SMAD3: variants seen among roughly 807,000 people sequenced by gnomAD.
SMAD3 encodes the protein MAD homolog 3.
In SMAD3, 12 loss-of-function variants were observed where a neutral mutation model predicts 51.8. The observed-to-expected ratio is 0.23, with a 90% CI of 0.15 to 0.38. The LOEUF (loss-of-function observed/expected upper bound fraction) is 0.38, where lower values mean the gene tolerates loss of function less well. Ranked by LOEUF, SMAD3 falls within the 10% of genes least tolerant of loss-of-function variation. The pLI, the probability that SMAD3 is intolerant of heterozygous loss-of-function variation, is 1.00. For missense variants in SMAD3, 294 were observed against 565.6 expected, an observed-to-expected ratio of 0.52 and a Z score of 4.87; for synonymous variants, 238 against 227.7, an observed-to-expected ratio of 1.05 and a Z score of -0.41.
chr15:67,141,433 G>C, intron 1 of SMAD3, among the ~76,000 whole-genome samples: 1 of 152,106 alleles, frequency 6.6e-6, no homozygotes, highest in East Asian at 1.9e-4. Context: ...GGAATGTTGG[G>C]GAAAGACCTG....
At chr15:67,183,023 ATATATATATTTT>A (rs1252645190) in intron 6 of SMAD3, among the ~76,000 whole-genome samples, 5 of 72,962 alleles carry the variant, frequency 6.9e-5, no homozygotes, top group East Asian at 4.1e-4. Flanking sequence ...ATATATATAT[ATATATATATTTT>A]TTTTTTTTTT....
intron 1 of SMAD3, among the ~76,000 whole-genome samples, chr15:67,073,894 A>G (rs1442880369): frequency 6.6e-6 from 1 of 152,200 alleles, no homozygotes; most frequent in African/African-American, 2.4e-5. Context: ...GCTGGTCTCC[A>G]ACTCCTGGCC....
intron 1 of SMAD3, among the ~76,000 whole-genome samples, chr15:67,147,491 G>T (rs975906682): frequency 6.6e-6 from 1 of 152,132 alleles, no homozygotes; most frequent in African/African-American, 2.4e-5. Flanking sequence ...AAGGATCCCT[G>T]GGTAAATGCC....
At position 67,192,673 on chromosome 15, in the gene SMAD3, C is replaced by T. The variant is rs996248664; in HGVS notation, c.*2137C>T. On this transcript the variant is annotated 3_prime_UTR_variant, in exon 9 of 9. Transcript: ENST00000327367. ...ATGAGGGCTTCCTGTGGCACACAGCCCTCTGGGTGCTTGGGAACTAGCTTC... is the reference window on the plus strand; with the variant it reads ...ATGAGGGCTTCCTGTGGCACACAGCTCTCTGGGTGCTTGGGAACTAGCTTC... The T allele has an allele frequency of 2.1e-5, 5 of 233,170 alleles. No homozygotes were observed. In the South Asian group the frequency reaches 9.0e-4, roughly 42 times the overall value. The allele number at this position is 233,170 out of a possible 1,614,324, so 14.4% of individuals were successfully genotyped here. A position where few individuals can be genotyped will look rare whatever the true frequency, so the allele number is the denominator to read the frequency against.
chr15:67,069,818 G>A (rs182499334), intron 1 of SMAD3, among the ~76,000 whole-genome samples: 249 of 152,130 alleles, frequency 1.6e-3, no homozygotes, highest in Non-Finnish European at 2.6e-3. Context: ...CGATTCTTGT[G>A]CCTCAGCCTC....
chr15:67,120,735 A>G (rs1381122219), intron 1 of SMAD3, among the ~76,000 whole-genome samples: 1 of 152,180 alleles, frequency 6.6e-6, no homozygotes, highest in Non-Finnish European at 1.5e-5. Context: ...CAGGACTTGA[A>G]CTAAGACTTT....
intron 1 of SMAD3, among the ~76,000 whole-genome samples, chr15:67,091,230 C>T (rs1230959371): frequency 6.6e-6 from 1 of 152,194 alleles, no homozygotes; most frequent in African/African-American, 2.4e-5. Context: ...CGTATTATTC[C>T]TGCTCCCCCA....
chr15:67,187,990 T>G (rs1379137404), intron 8 of SMAD3, among the ~76,000 whole-genome samples: 2 of 152,038 alleles, frequency 1.3e-5, no homozygotes, highest in Non-Finnish European at 2.9e-5. Context: ...GTTGCTCCAT[T>G]TCTGACTCAG....
chr15:67,098,024 C>A (rs1960652796), intron 1 of SMAD3, among the ~76,000 whole-genome samples: 1 of 152,154 alleles, frequency 6.6e-6, no homozygotes, highest in African/African-American at 2.4e-5. Context: ...CCCTACTAAG[C>A]CTTGGTTTAC....
intron 5 of SMAD3, among the ~76,000 whole-genome samples, chr15:67,175,481 A>G (rs1962866029): frequency 6.6e-6 from 1 of 152,182 alleles, no homozygotes; most frequent in East Asian, 1.9e-4. Context: ...GACCCAAGGC[A>G]GCATCTCCTG....
intron 8 of SMAD3, among the ~76,000 whole-genome samples, chr15:67,187,809 G>A (rs1567003883): frequency 6.6e-6 from 1 of 152,230 alleles, no homozygotes; most frequent in South Asian, 2.1e-4. Context: ...ACAGATGAGA[G>A]AACTAAGGCC....
chr15:67,066,115 G>T lies in SMAD3; in HGVS notation c.-40G>T, dbSNP rs764492850. ...CCGGCGTCCCGTCGAGCCCAGCCCC[G>T]CCGGGGGCGCTCCTCGCCGCCCGCG... On this transcript the variant is annotated 5_prime_UTR_variant, in exon 1 of 9. Coordinates refer to ENST00000327367, the MANE Select transcript of SMAD3 (RefSeq NM_005902.4). 1 of 1,520,080 alleles carries T rather than the reference G, an allele frequency of 6.6e-7. No homozygotes were observed. Among genetic ancestry groups the T allele is most frequent in the South Asian group, 1.2e-5 (1 of 83,474 alleles). 94.2% of individuals were successfully genotyped at this position (1,520,080 alleles called of 1,614,324 possible).
chr15:67,074,579 A>G (rs1029212860), intron 1 of SMAD3, among the ~76,000 whole-genome samples: 1 of 152,272 alleles, frequency 6.6e-6, no homozygotes, highest in African/African-American at 2.4e-5. Flanking sequence ...TTTCAGTATC[A>G]CATGGCTCTC....
At chr15:67,104,118 G>T (rs1823661593) in intron 1 of SMAD3, among the ~76,000 whole-genome samples, 1 of 152,146 alleles carries the variant, frequency 6.6e-6, no homozygotes, top group African/African-American at 2.4e-5. Context: ...GATAAGATCG[G>T]ATTTCAGGAT....
rs1961049487 is a variant in SMAD3 at position 67,112,930 on chromosome 15, T to C, written c.206+46570T>C. ...CCCCAGTGAATTGTCTTGGCACCCT[T>C]GTAGAAAATCATTTGACTGTAAATG... is the stretch of plus-strand genomic sequence containing the variant. On this transcript the variant is annotated intron_variant, in intron 1 of 8. Coordinates refer to ENST00000327367, the MANE Select transcript of SMAD3 (RefSeq NM_005902.4). 1.5e-5 allele frequency among the ~76,000 whole-genome samples: 2 copies of C among 130,544 alleles called. 1 individual carries two copies. The highest frequency in any genetic ancestry group is 6.1e-5 in the African/African-American group (2 of 32,754). The allele number at this position is 130,544 out of a possible 152,430, so 85.6% of individuals were successfully genotyped here.
At chr15:67,116,182 A>G (rs538823098) in intron 1 of SMAD3, among the ~76,000 whole-genome samples, 2 of 152,322 alleles carry the variant, frequency 1.3e-5, no homozygotes, top group South Asian at 2.1e-4. Flanking sequence ...GCAGTGGTTG[A>G]CACTGTCTGA....
intron 1 of SMAD3, among the ~76,000 whole-genome samples, chr15:67,086,307 G>A (rs1234253962): frequency 6.6e-6 from 1 of 152,088 alleles, no homozygotes; most frequent in African/African-American, 2.4e-5. Context: ...CCCTGTCTTT[G>A]GCTGAGAGCA....
intron 7 of SMAD3, 109 bp downstream of exon 7, chr15:67,184,973 G>A (rs1326802789): frequency 3.3e-5 from 46 of 1,389,760 alleles, no homozygotes; most frequent in African/African-American, 4.3e-5. Context: ...TCATGATTGC[G>A]TTGTCAATCT....
intron 1 of SMAD3, among the ~76,000 whole-genome samples, chr15:67,151,419 A>G (rs1446664464): frequency 6.6e-6 from 1 of 151,842 alleles, no homozygotes; most frequent in East Asian, 1.9e-4. Context: ...TGCAACCTCC[A>G]CCTCCTGGGT....
Sources: gnomAD v4.1 joint callset for allele counts (sites outside exome capture counted in the v4.1 genomes callset) on GRCh38, gnomAD v4.1.1 for gene constraint, MANE v1.5 for transcripts, NCBI Gene and HGNC (gene_info 2026-07-23, HGNC 2026-07-21) for gene names.